CDKL4: variants seen among roughly 807,000 people sequenced by gnomAD.
The protein encoded by CDKL4 is cyclin-dependent kinase-like 4.
A neutral mutation model predicts 42.0 loss-of-function variants in CDKL4; 44 were observed. That is an observed-to-expected ratio of 1.05 (90% CI 0.82 to 1.35). The LOEUF is 1.35. CDKL4 is among the 40% of genes most tolerant of loss of function. The pLI, the probability that CDKL4 is intolerant of heterozygous loss-of-function variation, is 0.00. For missense variants in CDKL4, 393 were observed against 369.9 expected (o/e 1.06, Z -0.51); for synonymous variants, 120 against 121.6 (o/e 0.99, Z 0.09).
At chr2:39,168,753 T>A in the CDKL4 span, among the ~76,000 whole-genome samples, 1 of 150,466 alleles carries the variant, frequency 6.6e-6, no homozygotes, top group African/African-American at 2.4e-5. Flanking sequence ...TTTTTTTTTG[T>A]TTTTTTGTTT....
intron 5 of CDKL4, among the ~76,000 whole-genome samples, chr2:39,192,609 C>T (rs1676258897): frequency 6.6e-6 from 1 of 151,130 alleles, no homozygotes; most frequent in Admixed American, 6.6e-5. Context: ...TTTGATCATA[C>T]TACATACACA....
At chr2:39,218,430 T>C (rs1678077380) in intron 3 of CDKL4, among the ~76,000 whole-genome samples, 1 of 151,874 alleles carries the variant, frequency 6.6e-6, no homozygotes, top group Non-Finnish European at 1.5e-5. Context: ...GTTTGGGAGT[T>C]TGAGGCTGCA....
chr2:39,192,036 A>T (rs572471255), intron 5 of CDKL4, among the ~76,000 whole-genome samples: 35 of 152,364 alleles, frequency 2.3e-4, no homozygotes, highest in Non-Finnish European at 4.0e-4. Flanking sequence ...AATAATCTTT[A>T]CTTGCTCATT....
intron 1 of CDKL4, among the ~76,000 whole-genome samples, chr2:39,239,520 A>G (rs755312169): frequency 5.3e-5 from 8 of 152,258 alleles, no homozygotes; most frequent in Non-Finnish European, 1.2e-4. Context: ...ATAGGAGGTT[A>G]AACAACCCAA....
In CDKL4 at chr2:39,193,179, A is replaced by G. The variant is rs1263803557; in HGVS notation, c.455-2677T>C. On this transcript the variant is annotated intron_variant, in intron 5 of 9. Coordinates refer to ENST00000451199, the Ensembl canonical transcript of CDKL4. Reference sequence around the variant, plus strand: ...CCAGGTTTGGTGGCTCACGCCTGTAATCCCAGCACTTTGGGAGGCTGAACG... The same window carrying G: ...CCAGGTTTGGTGGCTCACGCCTGTAGTCCCAGCACTTTGGGAGGCTGAACG... Among the ~76,000 whole-genome samples, 3 of 150,328 alleles carry G rather than the reference A, an allele frequency of 2.0e-5. No individual in the cohort carries two copies. The East Asian group carries it at 5.8e-4, about 29-fold the overall frequency.
chr2:39,246,014 G>C (rs915014655), upstream of CDKL4, among the ~76,000 whole-genome samples: 2 of 152,206 alleles, frequency 1.3e-5, no homozygotes, highest in Non-Finnish European at 2.9e-5. Flanking sequence ...ATTTTGGCTA[G>C]AGCTTACCCA....
intron 3 of CDKL4, among the ~76,000 whole-genome samples, chr2:39,224,087 A>G (rs1197823016): frequency 1.3e-5 from 2 of 152,224 alleles, no homozygotes; most frequent in African/African-American, 2.4e-5. Context: ...TGTTATTTGT[A>G]AAATCTGCAT....
chr2:39,242,995 G>A (rs1679735534), intron 1 of CDKL4, among the ~76,000 whole-genome samples: 1 of 151,698 alleles, frequency 6.6e-6, no homozygotes, highest in Non-Finnish European at 1.5e-5. Flanking sequence ...AGCTACTTGT[G>A]GGGCTGAGGC....
At chr2:39,235,688 A>C (rs1176738571) in intron 1 of CDKL4, among the ~76,000 whole-genome samples, 1 of 152,162 alleles carries the variant, frequency 6.6e-6, no homozygotes, top group Admixed American at 6.6e-5. Flanking sequence ...TCAAGGTTAT[A>C]GTACTGTAGA....
chr2:39,176,084 G>A (rs1414262763), exon 10 of CDKL4: 4 of 469,502 alleles, frequency 8.5e-6, no homozygotes, highest in African/African-American at 8.0e-5. Flanking sequence ...GGTATGAGAG[G>A]CAACAGTTGA....
chr2:39,239,925 A>G (rs1296950837), intron 1 of CDKL4, among the ~76,000 whole-genome samples: 3 of 151,422 alleles, frequency 2.0e-5, no homozygotes, highest in Middle Eastern at 3.4e-3. Context: ...CCCTGTCTCT[A>G]CTAAAAATAC....
chr2:39,210,933 A>C (rs914047984), intron 4 of CDKL4, among the ~76,000 whole-genome samples: 1 of 152,236 alleles, frequency 6.6e-6, no homozygotes, highest in African/African-American at 2.4e-5. Flanking sequence ...AAAACTAAAG[A>C]AAGCTTCCCC....
At chr2:39,244,004 C>G (rs1332152680), upstream of CDKL4, among the ~76,000 whole-genome samples, 2 of 152,256 alleles carry the variant, frequency 1.3e-5, no homozygotes, top group African/African-American at 4.8e-5. Context: ...CGCAGCGTCT[C>G]CCGGGCAACC....
intron 9 of CDKL4, chr2:39,178,750 T>G (rs1477480914): frequency 6.2e-7 from 1 of 1,603,922 alleles, no homozygotes; most frequent in Non-Finnish European, 8.5e-7. Flanking sequence ...AAGGCAGACT[T>G]AGGTGCCTGC....
intron 3 of CDKL4, among the ~76,000 whole-genome samples, chr2:39,223,128 T>C (rs961282313): frequency 3.9e-5 from 6 of 152,198 alleles, no homozygotes; most frequent in Non-Finnish European, 7.3e-5. Context: ...TTCTAAAGCA[T>C]GCTCTCTAAT....
intron 4 of CDKL4, among the ~76,000 whole-genome samples, chr2:39,205,546 G>A (rs894404151): frequency 6.6e-6 from 1 of 151,836 alleles, no homozygotes; most frequent in Admixed American, 6.6e-5. Flanking sequence ...AGATCACGCG[G>A]TCAGGAGATA....
chr2:39,233,698 A>C (rs1475502497), intron 1 of CDKL4, among the ~76,000 whole-genome samples: 1 of 151,698 alleles, frequency 6.6e-6, no homozygotes, highest in Non-Finnish European at 1.5e-5. Context: ...ATGAGAACCC[A>C]AAAATTTCAG....
chr2:39,183,209 G>A lies in CDKL4; in HGVS notation c.792+1382C>T, dbSNP rs1383129903. Among the ~76,000 whole-genome samples, 3 of 152,032 alleles carry A rather than the reference G, an allele frequency of 2.0e-5. No individual in the cohort carries two copies. In the South Asian group the frequency reaches 6.2e-4, roughly 32 times the overall value. On this transcript the variant is annotated intron_variant, in intron 8 of 9. Transcript: ENST00000451199. Reference sequence around the variant, plus strand: ...GCAGGAGAACCACTCGAACCTGGTTGGCGGAGGTTACAGTGAGCGGAGAAC... The same window carrying A: ...GCAGGAGAACCACTCGAACCTGGTTAGCGGAGGTTACAGTGAGCGGAGAAC...
At chr2:39,180,096 A>AT (rs1675350497) in intron 8 of CDKL4, among the ~76,000 whole-genome samples, 1 of 152,134 alleles carries the variant, frequency 6.6e-6, no homozygotes, top group Non-Finnish European at 1.5e-5. Context: ...ATAAACACAG[A>AT]TTATGATCCA....
Sources: allele counts gnomAD v4.1 joint callset (sites outside exome capture counted in the v4.1 genomes callset), GRCh38; gene constraint gnomAD v4.1.1; transcripts MANE v1.5; gene names NCBI Gene and HGNC (gene_info 2026-07-23, HGNC 2026-07-21).